The following HMMR variants were observed in gnomAD, a reference collection of about 807,000 sequenced individuals.
The protein encoded by HMMR is hyaluronan mediated motility receptor.
Under a neutral mutation model 101.0 loss-of-function variants are expected in HMMR, and 108 were observed. The observed-to-expected ratio is 1.07, with a 90% confidence interval of 0.92 to 1.25. The LOEUF (loss-of-function observed/expected upper bound fraction) is 1.25, where lower values mean the gene tolerates loss of function less well. Among genes scored for constraint, HMMR ranks in the 50% most tolerant of loss-of-function variants. HMMR has a pLI of 0.00. For missense variants in HMMR, 813 were observed against 788.7 expected (o/e 1.03, Z -0.37); for synonymous variants, 296 against 276.4 (o/e 1.07, Z -0.70).
chr5:163,473,542 C>A lies in HMMR; in HGVS notation c.889C>A (p.Leu297Ile). ...AGATCTAAATGTGAAATGTCAGCTG[C>A]TTGAAAAAGAAAAAGGTATTACAGT... The part of the protein sequence containing the change: ...VEDLNVKCQL[L>I]EKEKEDHVNR... The change falls in exon 9 of 18, where the codon CTT (leucine) becomes ATT (isoleucine). Residue 297 changes from leucine to isoleucine, a missense_variant. Leu to Ile is a conservative substitution (Grantham distance 5, BLOSUM62 2). Transcript: ENST00000393915. The A allele has an allele frequency of 1.3e-6, 2 of 1,562,736 alleles. No homozygotes were observed. The highest frequency in any genetic ancestry group is 1.7e-6 in the Non-Finnish European group (2 of 1,151,718).
intron 12 of HMMR, among the ~76,000 whole-genome samples, chr5:163,479,306 A>G (rs924483434): frequency 3.3e-5 from 5 of 152,168 alleles, no homozygotes; most frequent in Non-Finnish European, 2.9e-5. Flanking sequence ...TTGTTTTCTC[A>G]TAATTTGAAA....
chr5:163,462,148 A>C (rs1302394527), intron 1 of HMMR, among the ~76,000 whole-genome samples: 1 of 152,174 alleles, frequency 6.6e-6, no homozygotes, highest in Admixed American at 6.5e-5. Flanking sequence ...CCTACTCTTA[A>C]GTTTTGTCAG....
intron 16 of HMMR, among the ~76,000 whole-genome samples, chr5:163,487,923 C>T (rs761242752): frequency 1.6e-4 from 25 of 152,104 alleles, no homozygotes; most frequent in African/African-American, 4.1e-4. Flanking sequence ...GATGCAATCA[C>T]GGCTCACTGC....
rs1260836600 is a variant in HMMR at position 163,483,185 on chromosome 5, T to C, written c.1685+13T>C. ...ATGAAGAAGGAAGGTAATCTATGAT[T>C]AGAACCTGAGTGCCTTGTTAACTCA... On this transcript the variant is annotated intron_variant, in intron 14 of 17. Coordinates refer to ENST00000393915, the MANE Select transcript of HMMR (RefSeq NM_001142556.2). 1 of 1,608,264 alleles carries C rather than the reference T, an allele frequency of 6.2e-7. No homozygotes were observed. The highest frequency in any genetic ancestry group is 2.2e-5 in the East Asian group (1 of 44,790).
At chr5:163,466,159 G>A (rs1012319751) in intron 3 of HMMR, among the ~76,000 whole-genome samples, 12 of 151,830 alleles carry the variant, frequency 7.9e-5, no homozygotes, top group South Asian at 2.1e-4. Context: ...CCAGCTACTC[G>A]GGAGGCTGAG....
intron 2 of HMMR, among the ~76,000 whole-genome samples, chr5:163,464,175 T>C (rs967231462): frequency 6.6e-6 from 1 of 152,224 alleles, no homozygotes; most frequent in Non-Finnish European, 1.5e-5. Context: ...TATATTGATA[T>C]GTAGCTTCCC....
Position 163,490,488 on chromosome 5 carries a change from T to C in HMMR, c.2061T>C (p.Asp687=), listed in dbSNP as rs1478134493. Residue 687 remains aspartate, a synonymous_variant, in exon 17 of 18, where the codon GAT becomes GAC. Transcript: ENST00000393915. ...AAGTTCTAGGTATCAAACACTTTGA[T>C]CCTTCAAAGGCTTTTCATCATGAAA... The part of the protein sequence containing the change: ...LNKVLGIKHF[D]PSKAFHHESK... 1.9e-6 allele frequency: 3 copies of C among 1,604,388 alleles called. No homozygotes were observed. The highest frequency in any genetic ancestry group is 1.7e-4 in the Middle Eastern group (1 of 6,034).
Position 163,474,149 on chromosome 5 carries a change from C to G in HMMR, c.997C>G (p.Arg333Gly). The G allele has an allele frequency of 6.2e-7, 1 of 1,610,366 alleles. No individual in the cohort carries two copies. Among genetic ancestry groups the G allele is most frequent in the Non-Finnish European group, 8.5e-7 (1 of 1,177,920 alleles). The change falls in exon 10 of 18, where the codon CGT becomes GGT. Residue 333 changes from arginine (R) to glycine (G), a missense_variant. By Grantham distance (125) the Arg-to-Gly change is moderately radical. Coordinates refer to ENST00000393915, the MANE Select transcript of HMMR (RefSeq NM_001142556.2). ...GAAGTTTATTCTTGAACAACAGGAA[C>G]GTGAAAAGCTTCAACAAAAAGAATT... ...KQKFILEQQE[R>G]EKLQQKELQI...
At chr5:163,474,951 C>G (rs1214972662) in intron 10 of HMMR, among the ~76,000 whole-genome samples, 2 of 151,844 alleles carry the variant, frequency 1.3e-5, no homozygotes, top group African/African-American at 4.8e-5. Context: ...AGAAAAATAC[C>G]AGAAGGCATA....
chr5:163,473,186 A>G lies in HMMR; in HGVS notation c.658A>G (p.Ile220Val), dbSNP rs749303399. The G allele has an allele frequency of 2.6e-6, 4 of 1,521,998 alleles. No homozygotes were observed. The highest frequency in any genetic ancestry group is 3.6e-6 in the Non-Finnish European group (4 of 1,102,380). 94.3% of individuals were successfully genotyped at this position (1,521,998 alleles called of 1,614,324 possible). A position where few individuals can be genotyped will look rare whatever the true frequency, so the allele number is the denominator to read the frequency against. The stretch of plus-strand genomic sequence containing the variant: ...ATGCAATTTTTGTTTTAGTGTTTCA[A>G]TAGAGAAAGAAAAGATTGATGAAAA... ...IAQLEGKLVSIEKEKIDEKSE... is the reference protein window; with the variant it reads ...IAQLEGKLVSVEKEKIDEKSE... Residue 220 changes from isoleucine (I) to valine (V), a missense_variant, in exon 8 of 18, where the codon ATA (isoleucine) becomes GTA (valine). Coordinates refer to ENST00000393915, the MANE Select transcript of HMMR (RefSeq NM_001142556.2).
rs1346732097 is a variant in HMMR, at chr5:163,490,542, A to G, written c.2115A>G (p.Pro705=). The change falls in exon 17 of 18, where the codon CCA becomes CCG. Residue 705 remains proline (P), a synonymous_variant. Coordinates refer to ENST00000393915, the MANE Select transcript of HMMR (RefSeq NM_001142556.2). ...ESKENFALKT[P]LKEGNTNCYR... The stretch of plus-strand genomic sequence containing the variant: ...AAGAAAATTTTGCCCTGAAGACCCC[A>G]TTAAAAGAAGGTAAGACATGAATAA... 9.4e-6 allele frequency: 15 copies of G among 1,595,288 alleles called. No homozygotes were observed. Among genetic ancestry groups the G allele is most frequent in the Non-Finnish European group, 1.2e-5 (14 of 1,173,478 alleles).
chr5:163,471,124 T>C, intron 5 of HMMR, 61 bp from the exon 6 acceptor site: 1 of 1,005,944 alleles, frequency 9.9e-7, no homozygotes, highest in Non-Finnish European at 1.5e-6. Context: ...AATATTTGTG[T>C]ATTTTAAATA....
At position 163,486,817 on chromosome 5, in the gene HMMR, G is replaced by A. The variant is rs571523778; in HGVS notation, c.1962+2572G>A. On this transcript the variant is annotated intron_variant, in intron 16 of 17. Coordinates refer to ENST00000393915, the MANE Select transcript of HMMR (RefSeq NM_001142556.2). ...TTGTTGGCCAGCCGAGGTGGCTTACGCCTATAATCCCAGCACTCTGGGAGG... is the reference window on the plus strand; with the variant it reads ...TTGTTGGCCAGCCGAGGTGGCTTACACCTATAATCCCAGCACTCTGGGAGG... Among the ~76,000 whole-genome samples the A allele has an allele frequency of 2.1e-4, 32 of 152,326 alleles. No homozygotes were observed. In the South Asian group the frequency reaches 5.4e-3, roughly 26 times the overall value.
At chr5:163,490,829 T>C (rs1759668826) in intron 17 of HMMR, among the ~76,000 whole-genome samples, 1 of 152,202 alleles carries the variant, frequency 6.6e-6, no homozygotes, top group South Asian at 2.1e-4. Flanking sequence ...CCCAAATTAC[T>C]CCCTCTATAA....
rs115258672 is a variant in HMMR, at chr5:163,489,591, C to T, written c.1963-799C>T. On this transcript the variant is annotated intron_variant, in intron 16 of 17. Transcript: ENST00000393915. Reference sequence around the variant, plus strand: ...GAGATGAGGAATAGCCTCAGGCCCTCTTGAGTAACCTCCTGGTGTAGAACC... The same window carrying T: ...GAGATGAGGAATAGCCTCAGGCCCTTTTGAGTAACCTCCTGGTGTAGAACC... Among the ~76,000 whole-genome samples, 762 of 152,264 alleles carry T rather than the reference C, an allele frequency of 5.0e-3. 4 individuals carry two copies. Among genetic ancestry groups the T allele is most frequent in the African/African-American group, 0.017 (688 of 41,550 alleles).
intron 10 of HMMR, chr5:163,474,566 G>C (rs1462248660): frequency 2.2e-6 from 1 of 456,494 alleles, no homozygotes; most frequent in South Asian, 1.6e-5. Flanking sequence ...ATTATTTATA[G>C]AACATTTTAC....
chr5:163,461,873 G>A (rs1026226404), intron 1 of HMMR, among the ~76,000 whole-genome samples: 1 of 151,996 alleles, frequency 6.6e-6, no homozygotes, highest in East Asian at 1.9e-4. Context: ...TACTGATATT[G>A]ACCTCATTTT....
chr5:163,471,755 A>G (rs1422469480), intron 7 of HMMR, among the ~76,000 whole-genome samples: 1 of 152,174 alleles, frequency 6.6e-6, no homozygotes, highest in Non-Finnish European at 1.5e-5. Flanking sequence ...ATTGAGAAAC[A>G]CTGGTATAGG....
intron 4 of HMMR, among the ~76,000 whole-genome samples, chr5:163,468,228 G>A (rs577612441): frequency 5.9e-5 from 9 of 152,274 alleles, no homozygotes; most frequent in African/African-American, 2.2e-4. Flanking sequence ...GAGCTGTGCT[G>A]TTTGATATGG....
Sources: gnomAD v4.1 joint callset for allele counts (sites outside exome capture counted in the v4.1 genomes callset) on GRCh38, gnomAD v4.1.1 for gene constraint, MANE v1.5 for transcripts, NCBI Gene and HGNC (gene_info 2026-07-23, HGNC 2026-07-21) for gene names.